Variants in GABBR1 observed in about 807,000 individuals in gnomAD.
GABBR1 encodes the protein gamma-aminobutyric acid type B receptor subunit 1.
GABBR1 carries 35 observed loss-of-function variants against 117.7 expected under a neutral mutation model. That is an observed-to-expected ratio of 0.30 (90% CI 0.23 to 0.39). The LOEUF is 0.39. GABBR1 is among the 10% of genes least tolerant of loss of function. GABBR1 has a pLI of 1.00. For synonymous variants in GABBR1, 442 were observed against 486.6 expected (o/e 0.91, Z 1.21); for missense variants, 709 against 1,241.8 (o/e 0.57, Z 6.45).
At chr6:29,614,986 A>G (rs113028365) in intron 11 of GABBR1, among the ~76,000 whole-genome samples, 5 of 126,486 alleles carry the variant, frequency 4.0e-5, no homozygotes, top group Middle Eastern at 4.8e-3. Flanking sequence ...CTGCTCAAAA[A>G]AAAAAAAAAA....
chr6:29,621,251 G>A lies in GABBR1; in HGVS notation c.1173C>T (p.Phe391=). The change falls in exon 11 of 23, where the codon TTC becomes TTT. Residue 391 remains phenylalanine (F), a synonymous_variant. Coordinates refer to ENST00000377034, the MANE Select transcript of GABBR1 (RefSeq NM_001470.4). The surrounding 1 kb of genome is among the most constrained non-coding windows in gnomAD (Gnocchi z 5.0). ...AATTGTCAGCATACCACCCAATGAGGAACCAGACGTACTTCTTCCCAAAGA... is the reference window on the plus strand; with the variant it reads ...AATTGTCAGCATACCACCCAATGAGAAACCAGACGTACTTCTTCCCAAAGA... The part of the protein sequence containing the change: ...ERLFGKKYVW[F]LIGWYADNWF... The A allele has an allele frequency of 6.2e-7, 1 of 1,613,058 alleles. No homozygotes were observed. Among genetic ancestry groups the A allele is most frequent in the South Asian group, 1.1e-5 (1 of 91,082 alleles).
intron 11 of GABBR1, among the ~76,000 whole-genome samples, chr6:29,616,481 C>T (rs779889484): frequency 8.6e-5 from 13 of 151,030 alleles, no homozygotes; most frequent in Admixed American, 3.3e-4. Context: ...GTTAGGTGTT[C>T]GAGACCAACC....
chr6:29,607,353 A>G lies in GABBR1; in HGVS notation c.1993-135T>C. On this transcript the variant is annotated intron_variant, in intron 16 of 22. Transcript: ENST00000377034. This position sits in a 1 kb window ranked among gnomAD's most constrained non-coding sequence, Gnocchi z 5.0. ...CTCATGGTGGCACAGGGAGGATGCG[A>G]AAATGTGAGCAGGACGGGGAGCGGC... 1 of 701,568 alleles carries G rather than the reference A, an allele frequency of 1.4e-6. No homozygotes were observed. The highest frequency in any genetic ancestry group is 2.5e-6 in the Non-Finnish European group (1 of 397,764). 43.5% of individuals were successfully genotyped at this position (701,568 alleles called of 1,614,324 possible). A position where few individuals can be genotyped will look rare whatever the true frequency, so the allele number is the denominator to read the frequency against.
intron 15 of GABBR1, 76 bp from the exon 16 acceptor site, chr6:29,608,809 C>CTA: frequency 6.7e-7 from 1 of 1,503,052 alleles, no homozygotes. Flanking sequence ...TCTCCAAATA[C>CTA]CACGCAATGG....
chr6:29,629,565 C>T (rs560125168), intron 4 of GABBR1, among the ~76,000 whole-genome samples: 1 of 152,242 alleles, frequency 6.6e-6, no homozygotes, highest in Non-Finnish European at 1.5e-5. Context: ...GGTGAGGAAC[C>T]TTGAAGTCTA....
At position 29,607,552 on chromosome 6, in the gene GABBR1, A is replaced by G. The variant is rs1453103877; in HGVS notation, c.1993-334T>C. ...CTTCTGGATATGACACAGACCCTTC[A>G]CAACATGCTCCCATCCACCTGTCCA... is the stretch of plus-strand genomic sequence containing the variant. On this transcript the variant is annotated intron_variant, in intron 16 of 22. Transcript: ENST00000377034. The surrounding 1 kb of genome is among the most constrained non-coding windows in gnomAD (Gnocchi z 5.0). 6.6e-6 allele frequency among the ~76,000 whole-genome samples: 1 copy of G among 152,114 alleles called. No homozygotes were observed. Among genetic ancestry groups the G allele is most frequent in the East Asian group, 1.9e-4 (1 of 5,188 alleles).
In GABBR1 at chr6:29,604,911, A is replaced by G; in HGVS notation, c.2517T>C (p.Leu839=). The G allele has an allele frequency of 1.2e-6, 2 of 1,613,180 alleles. No individual in the cohort carries two copies. Among genetic ancestry groups the G allele is most frequent in the Non-Finnish European group, 1.7e-6 (2 of 1,180,018 alleles). Residue 839 remains leucine, a synonymous_variant, in exon 21 of 23, where the codon CTT becomes CTC. Coordinates refer to ENST00000377034, the MANE Select transcript of GABBR1 (RefSeq NM_001470.4). The surrounding 1 kb of genome is among the most constrained non-coding windows in gnomAD (Gnocchi z 5.3). ...TGATATAGGAGGAGAAAACTATGGC[A>G]AGAGAGGCAAAGGCAAAGGCTGCAT... is the stretch of plus-strand genomic sequence containing the variant. ...QQDAAFAFAS[L]AIVFSSYITL... is the part of the protein sequence containing the mutation.
Position 29,612,707 on chromosome 6 carries a change from G to A in GABBR1, c.1567-93C>T, listed in dbSNP as rs183758224. On this transcript the variant is annotated intron_variant, in intron 12 of 22. Coordinates refer to ENST00000377034, the MANE Select transcript of GABBR1 (RefSeq NM_001470.4). ...CTCTTTAAATCCTTCTGTTTTTGAT[G>A]TAATTGAGCCTCTGAATGAATGCTA... 2.1e-3 allele frequency: 2,284 copies of A among 1,105,372 alleles called. 8 individuals are homozygous for A. Among genetic ancestry groups the A allele is most frequent in the Non-Finnish European group, 2.5e-3 (1,813 of 718,966 alleles). 68.5% of individuals were successfully genotyped at this position (1,105,372 alleles called of 1,614,324 possible).
Position 29,609,878 on chromosome 6 carries a change from A to G in GABBR1, c.1709-499T>C, listed in dbSNP as rs1224848220. 2.0e-5 allele frequency among the ~76,000 whole-genome samples: 3 copies of G among 152,098 alleles called. No homozygotes were observed. The highest frequency in any genetic ancestry group is 6.5e-5 in the Admixed American group (1 of 15,274). On this transcript the variant is annotated intron_variant, in intron 14 of 22. Coordinates refer to ENST00000377034, the MANE Select transcript of GABBR1 (RefSeq NM_001470.4). This position sits in a 1 kb window ranked among gnomAD's most constrained non-coding sequence, Gnocchi z 4.3. ...GACAAACAAAAAAAGAAGGAAAGCT[A>G]ATCTGAAATTTTAATCCTGGCAGGG... is the stretch of plus-strand genomic sequence containing the variant.
chr6:29,624,047 G>C, intron 6 of GABBR1, 23 bp from the exon 7 acceptor site: 1 of 1,590,940 alleles, frequency 6.3e-7, no homozygotes, highest in Non-Finnish European at 8.6e-7. Flanking sequence ...AGGAGATGAG[G>C]GCAAGCTCTC....
Position 29,607,320 on chromosome 6 carries a change from G to A in GABBR1, c.1993-102C>T. The A allele has an allele frequency of 3.3e-6, 3 of 903,648 alleles. No individual in the cohort carries two copies. Among genetic ancestry groups the A allele is most frequent in the Non-Finnish European group, 5.4e-6 (3 of 555,738 alleles). 56.0% of individuals were successfully genotyped at this position (903,648 alleles called of 1,614,324 possible). A position where few individuals can be genotyped will look rare whatever the true frequency, so the allele number is the denominator to read the frequency against. Reference sequence around the variant, plus strand: ...AAGGGAGAGTGGGCAGGGAGCACGGGCAGGGAGCTCATGGTGGCACAGGGA... The same window carrying A: ...AAGGGAGAGTGGGCAGGGAGCACGGACAGGGAGCTCATGGTGGCACAGGGA... On this transcript the variant is annotated intron_variant, in intron 16 of 22. Coordinates refer to ENST00000377034, the MANE Select transcript of GABBR1 (RefSeq NM_001470.4). This position sits in a 1 kb window ranked among gnomAD's most constrained non-coding sequence, Gnocchi z 5.0.
intron 4 of GABBR1, 88 bp from the exon 5 acceptor site, chr6:29,629,195 T>C (rs760519887): frequency 1.4e-6 from 2 of 1,464,018 alleles, no homozygotes; most frequent in Non-Finnish European, 1.9e-6. Flanking sequence ...CCCACACCTG[T>C]CCATGCTGAA....
intron 11 of GABBR1, among the ~76,000 whole-genome samples, chr6:29,615,258 C>T (rs1021687289): frequency 2.0e-5 from 3 of 149,962 alleles, no homozygotes; most frequent in Non-Finnish European, 4.4e-5. Flanking sequence ...CGCCACTACA[C>T]TCCAGCCTGG....
chr6:29,604,069 C>T lies in GABBR1; in HGVS notation c.2713-353G>A, dbSNP rs1761694461. 6.6e-6 allele frequency among the ~76,000 whole-genome samples: 1 copy of T among 152,094 alleles called. No individual in the cohort carries two copies. Among genetic ancestry groups the T allele is most frequent in the Non-Finnish European group, 1.5e-5 (1 of 68,018 alleles). ...ATCCCTCTCTTTGGCATTGCACCAG[C>T]CCCTAATGACAGCCTGGGGCACAGT... On this transcript the variant is annotated intron_variant, in intron 22 of 22. Transcript: ENST00000377034. This position sits in a 1 kb window ranked among gnomAD's most constrained non-coding sequence, Gnocchi z 5.3.
In GABBR1 at chr6:29,621,994, T is replaced by C. The variant is rs1255619292; in HGVS notation, c.1065+110A>G. On this transcript the variant is annotated intron_variant, in intron 9 of 22. Coordinates refer to ENST00000377034, the MANE Select transcript of GABBR1 (RefSeq NM_001470.4). The surrounding 1 kb of genome is among the most constrained non-coding windows in gnomAD (Gnocchi z 5.0). Reference sequence around the variant, plus strand: ...AGCTAAACTTCCCCAGGAGATGCTATTGCCTCAGAGAATCAAAACCTGCCC... The same window carrying C: ...AGCTAAACTTCCCCAGGAGATGCTACTGCCTCAGAGAATCAAAACCTGCCC... 14 of 1,083,086 alleles carry C rather than the reference T, an allele frequency of 1.3e-5. No homozygotes were observed. The Admixed American group carries it at 2.2e-4, about 17-fold the overall frequency. 67.1% of individuals were successfully genotyped at this position (1,083,086 alleles called of 1,614,324 possible).
In GABBR1 at chr6:29,613,874, T is replaced by G. The variant is rs1762805590; in HGVS notation, c.1324-389A>C. On this transcript the variant is annotated intron_variant, in intron 11 of 22. Coordinates refer to ENST00000377034, the MANE Select transcript of GABBR1 (RefSeq NM_001470.4). This position sits in a 1 kb window ranked among gnomAD's most constrained non-coding sequence, Gnocchi z 4.1. Reference sequence around the variant, plus strand: ...TCTCTGATCCTTCTGACTTTCTTCATAGAGTTAACCCAGGATCTAACAGCT... The same window carrying G: ...TCTCTGATCCTTCTGACTTTCTTCAGAGAGTTAACCCAGGATCTAACAGCT... Among the ~76,000 whole-genome samples the G allele has an allele frequency of 6.6e-6, 1 of 152,236 alleles. No homozygotes were observed. Among genetic ancestry groups the G allele is most frequent in the African/African-American group, 2.4e-5 (1 of 41,456 alleles).
Position 29,632,760 on chromosome 6 carries a change from C to T in GABBR1, c.-1+90G>A, listed in dbSNP as rs1416041018. On this transcript the variant is annotated intron_variant, in intron 1 of 22. Coordinates refer to ENST00000377034, the MANE Select transcript of GABBR1 (RefSeq NM_001470.4). The surrounding 1 kb of genome is among the most constrained non-coding windows in gnomAD (Gnocchi z 5.8). The stretch of plus-strand genomic sequence containing the variant: ...CCTCCTCTCCCCCAGCCCCGCTTCC[C>T]CCAGCTGGGCCCTGCGCCCACTGCC... 1.8e-6 allele frequency: 2 copies of T among 1,108,180 alleles called. No homozygotes were observed. Among genetic ancestry groups the T allele is most frequent in the Non-Finnish European group, 2.3e-6 (2 of 864,380 alleles). The allele number at this position is 1,108,180 out of a possible 1,614,324, so 68.6% of individuals were successfully genotyped here. A position where few individuals can be genotyped will look rare whatever the true frequency, so the allele number is the denominator to read the frequency against.
Position 29,613,517 on chromosome 6 carries a change from G to C in GABBR1, c.1324-32C>G. 6.2e-7 allele frequency: 1 copy of C among 1,605,790 alleles called. No individual in the cohort carries two copies. Among genetic ancestry groups the C allele is most frequent in the Admixed American group, 1.7e-5 (1 of 59,740 alleles). On this transcript the variant is annotated intron_variant, in intron 11 of 22. Coordinates refer to ENST00000377034, the MANE Select transcript of GABBR1 (RefSeq NM_001470.4). The surrounding 1 kb of genome is among the most constrained non-coding windows in gnomAD (Gnocchi z 4.1). The stretch of plus-strand genomic sequence containing the variant: ...AGGAAAAAATCATGAGGAAAGAACT[G>C]AAATGTGTGTGGGTGTGGGGGAAGG...
rs754240131 is a variant in GABBR1, at chr6:29,607,141, C to T, written c.2070G>A (p.Thr690=). Residue 690 remains threonine, a synonymous_variant, in exon 17 of 23, where the codon ACG becomes ACA. Coordinates refer to ENST00000377034, the MANE Select transcript of GABBR1 (RefSeq NM_001470.4). This position sits in a 1 kb window ranked among gnomAD's most constrained non-coding sequence, Gnocchi z 5.0. ...TCTTTTCTTCCTTCTTTGTGAAGAC[C>T]GTGTGGACCCACCAAATCTTGGTGA... ...SMFTKIWWVH[T]VFTKKEEKKE... is the part of the protein sequence containing the mutation. 1.9e-5 allele frequency: 31 copies of T among 1,614,184 alleles called. No individual in the cohort carries two copies. The Middle Eastern group carries it at 1.8e-3, about 94-fold the overall frequency.
Sources: allele counts gnomAD v4.1 joint callset (sites outside exome capture counted in the v4.1 genomes callset), GRCh38; gene constraint gnomAD v4.1.1; non-coding constraint Gnocchi (gnomAD v3.1); transcripts MANE v1.5; gene names NCBI Gene and HGNC (gene_info 2026-07-23, HGNC 2026-07-21).